Variants in DAB1 observed in about 807,000 individuals in gnomAD.
The protein encoded by DAB1 is disabled homolog 1.
In DAB1, 15 loss-of-function variants were observed where a neutral mutation model predicts 64.6. The ratio of observed to expected loss-of-function variants is 0.23; its 90% CI spans 0.16 to 0.36. The LOEUF is 0.36. Among genes scored for constraint, DAB1 ranks in the 10% least tolerant of loss-of-function variants. The pLI, the probability that DAB1 is intolerant of heterozygous loss-of-function variation, is 1.00. For missense variants in DAB1, 596 were observed against 706.7 expected (o/e 0.84, Z 1.78); for synonymous variants, 235 against 251.9 (o/e 0.93, Z 0.64).
At chr1:57,343,180 T>A (rs1200435348) in intron 1 of DAB1, among the ~76,000 whole-genome samples, 1 of 152,000 alleles carries the variant, frequency 6.6e-6, no homozygotes, top group African/African-American at 2.4e-5. Context: ...AGTGTCCACA[T>A]AAAGGTTCTC....
intron 1 of DAB1, among the ~76,000 whole-genome samples, chr1:57,380,062 G>T (rs1681241700): frequency 6.6e-6 from 1 of 152,166 alleles, no homozygotes; most frequent in Non-Finnish European, 1.5e-5. Context: ...TAAATGCCAA[G>T]CACTCTGCAA....
chr1:57,370,620 A>G (rs1218475145), intron 1 of DAB1, among the ~76,000 whole-genome samples: 1 of 152,058 alleles, frequency 6.6e-6, no homozygotes, highest in Non-Finnish European at 1.5e-5. Context: ...ACAGAGAAAA[A>G]AAAAAAAACG....
At chr1:58,041,968 T>C (rs1225750490) in intron 5 of DAB1, among the ~76,000 whole-genome samples, 1 of 152,230 alleles carries the variant, frequency 6.6e-6, no homozygotes, top group African/African-American at 2.4e-5. Context: ...CTTTGGATGA[T>C]TCATAAATAG....
chr1:58,442,147 G>A (rs1569794842), intron 3 of DAB1, among the ~76,000 whole-genome samples: 1 of 152,180 alleles, frequency 6.6e-6, no homozygotes, highest in South Asian at 2.1e-4. Context: ...GTATGTGTGT[G>A]CGTGAATGTG....
intron 5 of DAB1, among the ~76,000 whole-genome samples, chr1:58,107,639 G>A (rs1651739789): frequency 6.6e-6 from 1 of 151,728 alleles, no homozygotes. Context: ...TTTTTGAGAT[G>A]GAGTTTTGCT....
At chr1:57,596,781 C>T (rs1261491854) in intron 7 of DAB1, among the ~76,000 whole-genome samples, 2 of 152,210 alleles carry the variant, frequency 1.3e-5, no homozygotes, top group African/African-American at 4.8e-5. Context: ...CTCTGAATCT[C>T]CAGCACCAAA....
intron 1 of DAB1, among the ~76,000 whole-genome samples, chr1:57,395,354 C>T (rs1190645488): frequency 1.3e-5 from 2 of 152,102 alleles, no homozygotes; most frequent in Non-Finnish European, 2.9e-5. Context: ...CCTACAATAT[C>T]ACTTGGCACC....
intron 2 of DAB1, among the ~76,000 whole-genome samples, chr1:57,182,385 AT>A (rs1056276516): frequency 2.0e-5 from 3 of 152,228 alleles, no homozygotes; most frequent in African/African-American, 7.2e-5. Flanking sequence ...AGGTAAAAAT[AT>A]TGAGGCCCAG....
intron 3 of DAB1, among the ~76,000 whole-genome samples, chr1:57,141,933 A>G (rs1658624338): frequency 6.6e-6 from 1 of 152,198 alleles, no homozygotes; most frequent in Non-Finnish European, 1.5e-5. Flanking sequence ...CTGGGTTAGA[A>G]TTCATCTTAT....
chr1:57,675,007 G>A (rs183585842), intron 6 of DAB1, among the ~76,000 whole-genome samples: 5 of 152,252 alleles, frequency 3.3e-5, no homozygotes, highest in Admixed American at 2.0e-4. Flanking sequence ...TCACTTCTGG[G>A]TAGGAACAAT....
In DAB1 at chr1:57,627,234, G is replaced by T. The variant is rs537829905; in HGVS notation, n.625+22358C>A. On this transcript the variant is annotated intron_variant and non_coding_transcript_variant, in intron 7 of 20. Coordinates refer to the DAB1 transcript ENST00000485760. ...ACCCAGACTGGGAATCTACATTATT[G>T]GCTCCCCTGGTTCTCAGGCCTTCAG... Among the ~76,000 whole-genome samples the T allele has an allele frequency of 1.1e-4, 16 of 152,240 alleles. No individual in the cohort carries two copies. In the East Asian group the frequency reaches 3.1e-3, roughly 29 times the overall value.
intron 6 of DAB1, among the ~76,000 whole-genome samples, chr1:57,817,424 G>A (rs1651917078): frequency 6.6e-6 from 1 of 152,202 alleles, no homozygotes. Context: ...CCCATGAAGG[G>A]TCAGACATCA....
intron 6 of DAB1, among the ~76,000 whole-genome samples, chr1:57,665,093 G>C (rs1053591060): frequency 6.6e-6 from 1 of 151,840 alleles, no homozygotes; most frequent in African/African-American, 2.4e-5. Context: ...TTCTGAAAAA[G>C]CATATTTGTA....
chr1:58,301,031 C>T (rs559408039), intron 4 of DAB1, among the ~76,000 whole-genome samples: 16 of 152,138 alleles, frequency 1.1e-4, no homozygotes, highest in African/African-American at 3.9e-4. Flanking sequence ...GGAGTATAGG[C>T]TACTTAGTGG....
chr1:58,359,137 G>C (rs1644139854), intron 3 of DAB1, among the ~76,000 whole-genome samples: 1 of 152,032 alleles, frequency 6.6e-6, no homozygotes, highest in African/African-American at 2.4e-5. Flanking sequence ...GAATGTCTGG[G>C]TCATATGGAG....
intron 1 of DAB1, among the ~76,000 whole-genome samples, chr1:57,358,863 A>T (rs1679330099): frequency 6.6e-6 from 1 of 152,090 alleles, no homozygotes; most frequent in South Asian, 2.1e-4. Flanking sequence ...AGAAGCCAAG[A>T]ACACACAGTC....
intron 7 of DAB1, among the ~76,000 whole-genome samples, chr1:57,603,071 C>G (rs1245086890): frequency 2.0e-5 from 3 of 152,190 alleles, no homozygotes; most frequent in African/African-American, 7.2e-5. Flanking sequence ...CTCCTGGGTT[C>G]AAGCGAGTCT....
At chr1:58,123,522 G>A (rs1272197786) in intron 5 of DAB1, among the ~76,000 whole-genome samples, 1 of 152,166 alleles carries the variant, frequency 6.6e-6, no homozygotes, top group East Asian at 1.9e-4. Flanking sequence ...CTTTTATCAA[G>A]ATGAAAACAG....
At chr1:58,016,011 G>C (rs74680107) in intron 5 of DAB1, among the ~76,000 whole-genome samples, 7 of 152,070 alleles carry the variant, frequency 4.6e-5, no homozygotes, top group Admixed American at 2.6e-4. Flanking sequence ...AGCCTAGGGG[G>C]GGGTAGTTGA....
Sources: gnomAD v4.1 joint callset for allele counts (sites outside exome capture counted in the v4.1 genomes callset) on GRCh38, gnomAD v4.1.1 for gene constraint, MANE v1.5 for transcripts, NCBI Gene and HGNC (gene_info 2026-07-23, HGNC 2026-07-21) for gene names.